Variants in TMEM67 observed in about 807,000 individuals in gnomAD.
TMEM67 encodes the protein transmembrane protein 67, also known as meckelin.
A neutral mutation model predicts 136.6 loss-of-function variants in TMEM67; 124 were observed. The ratio of observed to expected loss-of-function variants is 0.91; its 90% CI spans 0.78 to 1.05. TMEM67 has a LOEUF of 1.05. TMEM67 is among the 50% of genes least tolerant of loss of function. The pLI, the probability that TMEM67 is intolerant of heterozygous loss-of-function variation, is 0.00. For missense variants in TMEM67, 1,107 were observed against 1,178.4 expected, an observed-to-expected ratio of 0.94 and a Z score of 0.89; for synonymous variants, 364 against 390.5, an observed-to-expected ratio of 0.93 and a Z score of 0.80.
chr8:93,801,862 G>A (rs1353254043), intron 21 of TMEM67, among the ~76,000 whole-genome samples: 1 of 152,098 alleles, frequency 6.6e-6, no homozygotes, highest in Non-Finnish European at 1.5e-5. Context: ...ACCAGAAAAA[G>A]AAGACAAATA....
chr8:93,770,503 G>A (rs3097418), intron 6 of TMEM67, among the ~76,000 whole-genome samples: 38,773 of 152,034 alleles, frequency 0.26, 5,137 homozygotes, highest in South Asian at 0.34. Flanking sequence ...ATCTCACACT[G>A]CAGTTAGTCT....
At chr8:93,808,498 T>TTATAGATATTTATCTATAATAGATCTAG (rs1808538052) in intron 23 of TMEM67, among the ~76,000 whole-genome samples, 1 of 144,306 alleles carries the variant, frequency 6.9e-6, no homozygotes, top group Non-Finnish European at 1.5e-5. Flanking sequence ...AATAGATCTA[T>TTATAGATATTTATCTATAATAGATCTAG]TATAGATGAA....
chr8:93,793,323 T>C (rs1485056337), intron 16 of TMEM67, 27 bp downstream of exon 16: 1 of 1,565,682 alleles, frequency 6.4e-7, no homozygotes, highest in East Asian at 2.2e-5. Context: ...TTTTTAAGAA[T>C]ATTTTTATCT....
chr8:93,806,046 G>A (rs552494332), intron 23 of TMEM67, among the ~76,000 whole-genome samples: 11 of 152,284 alleles, frequency 7.2e-5, no homozygotes, highest in Middle Eastern at 3.4e-3. Flanking sequence ...GGAAATACAA[G>A]CGATAAAGGG....
chr8:93,827,139 A>G, the TMEM67 span, among the ~76,000 whole-genome samples: 2 of 152,110 alleles, frequency 1.3e-5, no homozygotes, highest in Admixed American at 6.6e-5. Flanking sequence ...CCAGTTTTAT[A>G]TATTTTTAAA....
chr8:93,773,048 GA>G (rs1813393687), intron 7 of TMEM67, among the ~76,000 whole-genome samples: 1 of 152,116 alleles, frequency 6.6e-6, no homozygotes, highest in Non-Finnish European at 1.5e-5. Context: ...AAATAGTTAA[GA>G]GTAAAGTACA....
chr8:93,757,494 G>A (rs1812630041), intron 2 of TMEM67, among the ~76,000 whole-genome samples: 1 of 151,984 alleles, frequency 6.6e-6, no homozygotes, highest in African/African-American at 2.4e-5. Context: ...AAATTAGCTG[G>A]ACGTGGTGGC....
At chr8:93,778,017 C>T (rs1395294793) in intron 7 of TMEM67, among the ~76,000 whole-genome samples, 1 of 152,124 alleles carries the variant, frequency 6.6e-6, no homozygotes, top group African/African-American at 2.4e-5. Flanking sequence ...TAAGGACTTG[C>T]TTTATGAATC....
Position 93,797,170 on chromosome 8 carries a change from A to T in TMEM67, c.1897A>T (p.Thr633Ser). 1 of 1,612,822 alleles carries T rather than the reference A, an allele frequency of 6.2e-7. No individual in the cohort carries two copies. Among genetic ancestry groups the T allele is most frequent in the Non-Finnish European group, 8.5e-7 (1 of 1,178,936 alleles). Residue 633 changes from threonine to serine, a missense_variant, in exon 19 of 28, where the codon ACA becomes TCA. Around this residue, in one of 3 missense-constraint regions of TMEM67, gnomAD observed 925 missense variants for 1,002.4 expected, o/e 0.92. Transcript: ENST00000453321. Reference protein sequence around the residue: ...QFLHKLISQITIDVFFIDWER... With the variant: ...QFLHKLISQISIDVFFIDWER... ...TTTGCATAAGCTCATATCCCAGATT[A>T]CAATAGATGTATTCTTTATTGATTG...
intron 27 of TMEM67, among the ~76,000 whole-genome samples, chr8:93,815,967 A>G (rs1011299429): frequency 5.3e-5 from 8 of 152,234 alleles, no homozygotes; most frequent in Non-Finnish European, 8.8e-5. Context: ...AATATTCTCC[A>G]CTATGTCAAA....
Position 93,769,626 on chromosome 8 carries a change from A to C in TMEM67, c.652-2963A>C, listed in dbSNP as rs566332527. The C allele has an allele frequency of 6.9e-4, 115 of 167,240 alleles. 1 individual carries two copies. The highest frequency in any genetic ancestry group is 3.4e-3 in the Middle Eastern group (1 of 296). 10.4% of individuals were successfully genotyped at this position (167,240 alleles called of 1,614,324 possible). On this transcript the variant is annotated intron_variant, in intron 6 of 27. Coordinates refer to ENST00000453321, the MANE Select transcript of TMEM67 (RefSeq NM_153704.6). ...CCAGTGTATAAAACGTGTAAGCAAA[A>C]TCTAGTTAAGATGGTTTGACTACCC...
intron 6 of TMEM67, among the ~76,000 whole-genome samples, chr8:93,770,451 C>G (rs1376744766): frequency 6.6e-6 from 1 of 152,058 alleles, no homozygotes; most frequent in Admixed American, 6.6e-5. Flanking sequence ...TTTATTCTCC[C>G]TTCCTTTTTT....
In TMEM67 at chr8:93,809,857, G is replaced by A; in HGVS notation, c.2734G>A (p.Glu912Lys). The stretch of plus-strand genomic sequence containing the variant: ...AAGAATTCTTGGAATGGAATTCATG[G>A]AACCAATGGAAAAAAGCATCTTTTA... The part of the protein sequence containing the change: ...LERILGMEFM[E>K]PMEKSIFYND... The change falls in exon 26 of 28, where the codon GAA (glutamate) becomes AAA (lysine). Residue 912 changes from glutamate (E) to lysine (K), a missense_variant. Transcript: ENST00000453321. The A allele has an allele frequency of 6.2e-7, 1 of 1,607,554 alleles. No individual in the cohort carries two copies. Among genetic ancestry groups the A allele is most frequent in the Non-Finnish European group, 8.5e-7 (1 of 1,174,700 alleles).
chr8:93,805,534 T>G (rs921143324), intron 23 of TMEM67, among the ~76,000 whole-genome samples: 2 of 150,802 alleles, frequency 1.3e-5, no homozygotes, highest in Non-Finnish European at 2.9e-5. Context: ...TGAGCCGAGA[T>G]TGCGCCACCG....
intron 11 of TMEM67, among the ~76,000 whole-genome samples, chr8:93,783,444 T>C (rs1278953235): frequency 6.6e-6 from 1 of 152,230 alleles, no homozygotes; most frequent in East Asian, 1.9e-4. Context: ...TACTCCCTTC[T>C]TCTACCCGCT....
chr8:93,829,274 G>T, the TMEM67 span, among the ~76,000 whole-genome samples: 1 of 152,206 alleles, frequency 6.6e-6, no homozygotes, highest in East Asian at 1.9e-4. Context: ...ATTTGTCACC[G>T]TATGTCCCGA....
Position 93,797,468 on chromosome 8 carries a change from G to A in TMEM67, c.2098G>A (p.Glu700Lys). 1.2e-6 allele frequency: 2 copies of A among 1,613,336 alleles called. No individual in the cohort carries two copies. The highest frequency in any genetic ancestry group is 1.7e-6 in the Non-Finnish European group (2 of 1,179,684). ...AGTACTTACTGTCCTCTTCTTTTTG[G>A]AGGTATAAACTGTTTGATGTGATTA... Reference protein sequence around the residue: ...FQVLTVLFFLEVVGFKNLALM... With the variant: ...FQVLTVLFFLKVVGFKNLALM... Residue 700 changes from glutamate (E) to lysine (K), a missense_variant and splice_region_variant, in exon 20 of 28, where the codon GAG becomes AAG. Glu to Lys is a moderately conservative substitution (Grantham distance 56, BLOSUM62 1). This residue lies in a region of TMEM67 where 925 missense variants were observed against 1,002.4 expected (regional missense o/e 0.92). Transcript: ENST00000453321.
In TMEM67 at chr8:93,754,929, T is replaced by G. The variant is rs767145640; in HGVS notation, c.15T>G (p.Gly5=). ...GCGTCGGTACCATGGCGACGCGCGG[T>G]GGGGCTGGGGTGGCAATGGCGGTTT... is the stretch of plus-strand genomic sequence containing the variant. The part of the protein sequence containing the change: MATR[G]GAGVAMAVWS... Residue 5 remains glycine, a synonymous_variant, in exon 1 of 28, where the codon GGT becomes GGG. Coordinates refer to ENST00000453321, the MANE Select transcript of TMEM67 (RefSeq NM_153704.6). 12 of 1,613,602 alleles carry G rather than the reference T, an allele frequency of 7.4e-6. No homozygotes were observed. In the South Asian group the frequency reaches 1.3e-4, roughly 18 times the overall value.
intron 3 of TMEM67, among the ~76,000 whole-genome samples, chr8:93,761,029 G>A (rs1812805206): frequency 6.6e-6 from 1 of 151,920 alleles, no homozygotes; most frequent in African/African-American, 2.4e-5. Context: ...AAATTTTTTC[G>A]ACCGGGCACA....
Sources: gnomAD v4.1 joint callset for allele counts (sites outside exome capture counted in the v4.1 genomes callset) on GRCh38, gnomAD v4.1.1 for gene constraint, gnomAD v4.1.1 regional missense constraint, MANE v1.5 for transcripts, NCBI Gene and HGNC (gene_info 2026-07-23, HGNC 2026-07-21) for gene names.